Variants in LAPTM4B observed in about 807,000 individuals in gnomAD.
LAPTM4B encodes lysosomal-associated transmembrane protein 4B.
LAPTM4B carries 26 observed loss-of-function variants against 28.5 expected under a neutral mutation model. That is an observed-to-expected ratio of 0.91 (90% CI 0.67 to 1.27). The LOEUF is 1.27. Ranked by LOEUF, LAPTM4B falls within the 50% of genes most tolerant of loss-of-function variation. The pLI is 0.00. For synonymous variants in LAPTM4B, 109 were observed against 106.4 expected (o/e 1.02, Z -0.15); for missense variants, 288 against 285.8 (o/e 1.01, Z -0.06).
At position 97,835,166 on chromosome 8, in the gene LAPTM4B, C is replaced by A. The variant is rs376885171; in HGVS notation, c.603+10013C>A. The stretch of plus-strand genomic sequence containing the variant: ...AATCCACATTTACATAATAACATGT[C>A]ATGTCTTGCTTTCACTTATTCCAGA... On this transcript the variant is annotated intron_variant, in intron 6 of 6. Coordinates refer to ENST00000521545, the MANE Select transcript of LAPTM4B (RefSeq NM_018407.6). 6.9e-4 allele frequency among the ~76,000 whole-genome samples: 105 copies of A among 152,292 alleles called. 1 individual carries two copies. The highest frequency in any genetic ancestry group is 2.5e-3 in the African/African-American group (102 of 41,566).
intron 2 of LAPTM4B, among the ~76,000 whole-genome samples, chr8:97,813,796 C>CAAAA (rs1816862764): frequency 6.6e-6 from 1 of 152,034 alleles, no homozygotes; most frequent in Non-Finnish European, 1.5e-5. Flanking sequence ...TATGTTTTCC[C>CAAAA]CTCTAGATCT....
At chr8:97,805,816 T>C (rs1586328855) in intron 2 of LAPTM4B, among the ~76,000 whole-genome samples, 1 of 152,196 alleles carries the variant, frequency 6.6e-6, no homozygotes, top group African/African-American at 2.4e-5. Flanking sequence ...TCAGTATTTA[T>C]TTTTATTCTA....
rs35775446 is a variant in LAPTM4B, at chr8:97,852,701, T to TG, written c.*1236dup. 350 of 108,624 alleles carry TG rather than the reference T, an allele frequency of 3.2e-3. No homozygotes were observed. Among genetic ancestry groups the TG allele is most frequent in the South Asian group, 5.2e-3 (25 of 4,804 alleles). 6.7% of individuals were successfully genotyped at this position (108,624 alleles called of 1,614,324 possible). A position where few individuals can be genotyped will look rare whatever the true frequency, so the allele number is the denominator to read the frequency against. On this transcript the variant is annotated 3_prime_UTR_variant, in exon 7 of 7. Coordinates refer to ENST00000521545, the MANE Select transcript of LAPTM4B (RefSeq NM_018407.6). Reference sequence around the variant, plus strand: ...TCAGCCTAAGGAGTAGGCTTTTTTTTGGGGGGGGGAGGTCGGGTGGGGGGG... The same window carrying TG: ...TCAGCCTAAGGAGTAGGCTTTTTTTTGGGGGGGGGGAGGTCGGGTGGGGGGG...
At chr8:97,831,193 G>T (rs1393325425) in intron 6 of LAPTM4B, among the ~76,000 whole-genome samples, 1 of 152,202 alleles carries the variant, frequency 6.6e-6, no homozygotes, top group African/African-American at 2.4e-5. Flanking sequence ...TGGGTGATCT[G>T]ACTAATGAAG....
rs1022268189 is a variant in LAPTM4B, at chr8:97,822,542, T to G, written c.508-2516T>G. Among the ~76,000 whole-genome samples, 32 of 148,540 alleles carry G rather than the reference T, an allele frequency of 2.2e-4. 1 individual carries two copies. The highest frequency in any genetic ancestry group is 2.1e-3 in the East Asian group (11 of 5,144). On this transcript the variant is annotated intron_variant, in intron 5 of 6. Coordinates refer to ENST00000521545, the MANE Select transcript of LAPTM4B (RefSeq NM_018407.6). ...TATGACTTCTATTTTATTTATTTATTTATTTATTTATTTATTTATTTATTT... is the reference window on the plus strand; with the variant it reads ...TATGACTTCTATTTTATTTATTTATGTATTTATTTATTTATTTATTTATTT...
intron 6 of LAPTM4B, among the ~76,000 whole-genome samples, chr8:97,829,903 G>T (rs958507285): frequency 2.0e-4 from 31 of 152,044 alleles, no homozygotes; most frequent in African/African-American, 7.5e-4. Flanking sequence ...CACCATGTTG[G>T]CCAGGCTGGT....
intron 6 of LAPTM4B, among the ~76,000 whole-genome samples, chr8:97,828,407 G>C (rs773584757): frequency 2.1e-4 from 32 of 152,278 alleles, no homozygotes; most frequent in Non-Finnish European, 4.3e-4. Context: ...TGTATGAACA[G>C]AGAGATTAGC....
intron 1 of LAPTM4B, among the ~76,000 whole-genome samples, chr8:97,792,545 G>A (rs558801242): frequency 2.5e-4 from 38 of 152,116 alleles, no homozygotes; most frequent in African/African-American, 8.7e-4. Context: ...GTGAGCCGCC[G>A]TGCCTAGCCT....
At chr8:97,833,993 G>A (rs943283967) in intron 6 of LAPTM4B, among the ~76,000 whole-genome samples, 1 of 151,802 alleles carries the variant, frequency 6.6e-6, no homozygotes, top group Non-Finnish European at 1.5e-5. Flanking sequence ...TCATTCTCTA[G>A]TGGTGACCAG....
chr8:97,806,254 T>G (rs1161413351), intron 2 of LAPTM4B, among the ~76,000 whole-genome samples: 1 of 152,184 alleles, frequency 6.6e-6, no homozygotes, highest in Non-Finnish European at 1.5e-5. Flanking sequence ...CATGAACTGA[T>G]ATATGCATTT....
chr8:97,826,965 G>A (rs16896308), intron 6 of LAPTM4B, among the ~76,000 whole-genome samples: 71,553 of 152,110 alleles, frequency 0.47, 17,102 homozygotes, highest in East Asian at 0.57. Context: ...TGAAGAACCA[G>A]TAAAGTTGTT....
intron 6 of LAPTM4B, among the ~76,000 whole-genome samples, chr8:97,848,461 A>G (rs1011230783): frequency 1.5e-4 from 22 of 150,894 alleles, no homozygotes; most frequent in African/African-American, 5.1e-4. Context: ...GGAGATTTTG[A>G]TTTGAATATT....
intron 2 of LAPTM4B, among the ~76,000 whole-genome samples, chr8:97,809,987 G>T (rs758896024): frequency 6.6e-6 from 1 of 152,054 alleles, no homozygotes; most frequent in Non-Finnish European, 1.5e-5. Flanking sequence ...GTGCAGTGTC[G>T]CACACAATCT....
chr8:97,820,442 A>G (rs1816986783), intron 5 of LAPTM4B, among the ~76,000 whole-genome samples: 1 of 151,430 alleles, frequency 6.6e-6, no homozygotes, highest in Non-Finnish European at 1.5e-5. Flanking sequence ...AATGCCTTTC[A>G]TTGTCTTAAT....
At chr8:97,823,372 T>G (rs1817040866) in intron 5 of LAPTM4B, among the ~76,000 whole-genome samples, 1 of 145,972 alleles carries the variant, frequency 6.9e-6, no homozygotes, top group Non-Finnish European at 1.5e-5. Flanking sequence ...TTTTTGTTGT[T>G]GTTGTTGTTG....
chr8:97,841,007 C>T lies in LAPTM4B; in HGVS notation c.604-10390C>T, dbSNP rs34699758. 4.2e-3 allele frequency among the ~76,000 whole-genome samples: 637 copies of T among 150,916 alleles called. 3 individuals are homozygous for T. Among genetic ancestry groups the T allele is most frequent in the Non-Finnish European group, 7.1e-3 (480 of 67,728 alleles). ...CAGACGGTGGGGAGCTGGGTAGAGG[C>T]GCTCCTTACATCCCAGATGGGGCGG... On this transcript the variant is annotated intron_variant, in intron 6 of 6. Coordinates refer to ENST00000521545, the MANE Select transcript of LAPTM4B (RefSeq NM_018407.6).
intron 6 of LAPTM4B, among the ~76,000 whole-genome samples, chr8:97,845,571 C>A (rs984860507): frequency 6.6e-5 from 10 of 152,146 alleles, no homozygotes; most frequent in African/African-American, 2.4e-4. Flanking sequence ...TTTACCTCAC[C>A]CTTCTTAGGA....
At chr8:97,805,072 T>C (rs1816738931) in intron 1 of LAPTM4B, among the ~76,000 whole-genome samples, 1 of 152,248 alleles carries the variant, frequency 6.6e-6, no homozygotes, top group Non-Finnish European at 1.5e-5. Flanking sequence ...TGTTGTTCAC[T>C]GCTCTATGGT....
intron 1 of LAPTM4B, among the ~76,000 whole-genome samples, chr8:97,794,465 G>C (rs1347848228): frequency 6.6e-6 from 1 of 152,068 alleles, no homozygotes; most frequent in East Asian, 1.9e-4. Flanking sequence ...AGAATGTTGG[G>C]CACATAGTAG....
Sources: allele counts gnomAD v4.1 joint callset (sites outside exome capture counted in the v4.1 genomes callset), GRCh38; gene constraint gnomAD v4.1.1; transcripts MANE v1.5; gene names NCBI Gene and HGNC (gene_info 2026-07-23, HGNC 2026-07-21).